NSL1: variants seen among roughly 807,000 people sequenced by gnomAD.
NSL1 encodes the protein kinetochore-associated protein NSL1 homolog.
A neutral mutation model predicts 25.4 loss-of-function variants in NSL1; 11 were observed. The ratio of observed to expected loss-of-function variants is 0.43; its 90% confidence interval spans 0.27 to 0.72. The LOEUF (loss-of-function observed/expected upper bound fraction) is 0.72. Ranked by LOEUF, NSL1 falls within the 30% of genes least tolerant of loss-of-function variation. NSL1 has a pLI of 0.19. For missense variants in NSL1, 330 were observed against 342.7 expected, an observed-to-expected ratio of 0.96 and a Z score of 0.29; for synonymous variants, 118 against 120.6, an observed-to-expected ratio of 0.98 and a Z score of 0.14.
chr1:212,780,279 C>T (rs1660663018), intron 4 of NSL1, among the ~76,000 whole-genome samples: 1 of 152,036 alleles, frequency 6.6e-6, no homozygotes, highest in South Asian at 2.1e-4. Flanking sequence ...GCAAGATGTG[C>T]TTTGTTAAAC....
chr1:212,729,080 G>GT lies in NSL1; in HGVS notation c.*9327dup, dbSNP rs1657902914. Reference sequence around the variant, plus strand: ...GGGCTTACAAGAAAAATAAATTGCAGTAAGTGTTAAAACTTGCCAGTCAAT... The same window carrying GT: ...GGGCTTACAAGAAAAATAAATTGCAGTTAAGTGTTAAAACTTGCCAGTCAAT... On this transcript the variant is annotated 3_prime_UTR_variant, in exon 6 of 6. Transcript: ENST00000366977. 1.0e-6 allele frequency: 1 copy of GT among 985,404 alleles called. No individual in the cohort carries two copies. The highest frequency in any genetic ancestry group is 4.7e-5 in the South Asian group (1 of 21,286). The allele number at this position is 985,404 out of a possible 1,614,324, so 61.0% of individuals were successfully genotyped here.
rs1303650447 is a variant in NSL1, at chr1:212,730,440, G to A, written c.*7968C>T. The A allele has an allele frequency of 4.1e-6, 4 of 985,126 alleles. No individual in the cohort carries two copies. Among genetic ancestry groups the A allele is most frequent in the Non-Finnish European group, 4.8e-6 (4 of 829,894 alleles). 61.0% of individuals were successfully genotyped at this position (985,126 alleles called of 1,614,324 possible). ...GGCACCAAGGGAGGTCTTAAAATCTGCAACTAGGTATGAGCCCAAAGGCAC... is the reference window on the plus strand; with the variant it reads ...GGCACCAAGGGAGGTCTTAAAATCTACAACTAGGTATGAGCCCAAAGGCAC... On this transcript the variant is annotated 3_prime_UTR_variant, in exon 6 of 6. Coordinates refer to ENST00000366977, the MANE Select transcript of NSL1 (RefSeq NM_015471.4).
chr1:212,739,677 G>C (rs1024896447), intron 4 of NSL1, 76 bp from the exon 5 acceptor site: 20 of 1,426,214 alleles, frequency 1.4e-5, no homozygotes, highest in Non-Finnish European at 1.9e-5. Flanking sequence ...GATACTATCT[G>C]AAAGGCATAT....
rs868663396 is a variant in NSL1 at position 212,738,384 on chromosome 1, A to G, written c.*24T>C. On this transcript the variant is annotated 3_prime_UTR_variant, in exon 6 of 6. Transcript: ENST00000366977. ...TAAATGTTGATGGTGCCTATTTTCA[A>G]CTCCCAAAATAAACAGAAAGAGCTC... is the stretch of plus-strand genomic sequence containing the variant. 3.8e-6 allele frequency: 6 copies of G among 1,584,464 alleles called. No homozygotes were observed. Among genetic ancestry groups the G allele is most frequent in the Middle Eastern group, 3.5e-4 (2 of 5,706 alleles).
chr1:212,783,140 G>A (rs1303007938), intron 3 of NSL1, among the ~76,000 whole-genome samples: 1 of 152,090 alleles, frequency 6.6e-6, no homozygotes, highest in Non-Finnish European at 1.5e-5. Flanking sequence ...GAAGAAGGGA[G>A]GAAAGACGCA....
chr1:212,738,497 CAG>C lies in NSL1; in HGVS notation c.755_756del (p.Ser252Ter). On this transcript the variant is annotated frameshift_variant, in exon 6 of 6. Coordinates refer to ENST00000366977, the MANE Select transcript of NSL1 (RefSeq NM_015471.4). LOFTEE classifies it low-confidence loss of function (END_TRUNC). ...TPTETASRKTSDMVLKRKQTK... is the reference protein window; with the variant it reads ...TPTETASRKTXDMVLKRKQTK... ...GTTTGCTTTCTTTTCAGTACCATGTCAGAGGTTTTCCTGGAAGCAGTCTCTGT... is the reference window on the plus strand; with the variant it reads ...GTTTGCTTTCTTTTCAGTACCATGTCAGGTTTTCCTGGAAGCAGTCTCTGT... 1 of 1,614,098 alleles carries C rather than the reference CAG, an allele frequency of 6.2e-7. No individual in the cohort carries two copies. The highest frequency in any genetic ancestry group is 8.5e-7 in the Non-Finnish European group (1 of 1,179,996).
intron 4 of NSL1, among the ~76,000 whole-genome samples, chr1:212,742,112 G>A (rs1658535252): frequency 6.6e-6 from 1 of 152,064 alleles, no homozygotes; most frequent in Non-Finnish European, 1.5e-5. Flanking sequence ...AAATTCATAG[G>A]TAATATTTCT....
In NSL1 at chr1:212,736,303, C is replaced by T. The variant is rs2102425364; in HGVS notation, c.*2105G>A. 2 of 972,658 alleles carry T rather than the reference C, an allele frequency of 2.1e-6. No homozygotes were observed. Among genetic ancestry groups the T allele is most frequent in the South Asian group, 4.7e-5 (1 of 21,074 alleles). The allele number at this position is 972,658 out of a possible 1,614,324, so 60.3% of individuals were successfully genotyped here. A position where few individuals can be genotyped will look rare whatever the true frequency, so the allele number is the denominator to read the frequency against. Reference sequence around the variant, plus strand: ...CCTCCCAAAGTGCTGGGATTACAGGCATGAGCCCACCGCGCCTGGCTATTT... The same window carrying T: ...CCTCCCAAAGTGCTGGGATTACAGGTATGAGCCCACCGCGCCTGGCTATTT... On this transcript the variant is annotated 3_prime_UTR_variant, in exon 6 of 6. Coordinates refer to ENST00000366977, the MANE Select transcript of NSL1 (RefSeq NM_015471.4).
chr1:212,785,099 A>T (rs1034315652), intron 2 of NSL1, among the ~76,000 whole-genome samples: 1 of 152,204 alleles, frequency 6.6e-6, no homozygotes, highest in Admixed American at 6.5e-5. Context: ...GGTATTTAAT[A>T]TCAGGGATGC....
At position 212,782,088 on chromosome 1, in the gene NSL1, G is replaced by A. The variant is rs200243335; in HGVS notation, c.499+284C>T. The stretch of plus-strand genomic sequence containing the variant: ...ATAGATAGTACAATGACAGAGATAG[G>A]AGGGTATTAGAAGTTAGAGATGGGT... On this transcript the variant is annotated intron_variant, in intron 4 of 5. Transcript: ENST00000366977. 6.3e-4 allele frequency: 408 copies of A among 649,098 alleles called. 1 individual carries two copies. Among genetic ancestry groups the A allele is most frequent in the Non-Finnish European group, 1.1e-3 (361 of 342,956 alleles). The allele number at this position is 649,098 out of a possible 1,614,324, so 40.2% of individuals were successfully genotyped here.
At chr1:212,784,783 T>G (rs538839565) in intron 2 of NSL1, among the ~76,000 whole-genome samples, 2 of 152,260 alleles carry the variant, frequency 1.3e-5, no homozygotes, top group East Asian at 3.9e-4. Flanking sequence ...AACAGACAAT[T>G]GCAAGGCAAC....
rs909469153 is a variant in NSL1 at position 212,728,823 on chromosome 1, G to A, written c.*9585C>T. ...CTCTGACTCGAGGAGGGCCCTCAGC[G>A]CAGAGAAAATTAAGTCTAGTGTTTG... On this transcript the variant is annotated 3_prime_UTR_variant, in exon 6 of 6. Transcript: ENST00000366977. 1.1e-5 allele frequency: 11 copies of A among 985,280 alleles called. No homozygotes were observed. Among genetic ancestry groups the A allele is most frequent in the Non-Finnish European group, 1.1e-5 (9 of 829,936 alleles). The allele number at this position is 985,280 out of a possible 1,614,324, so 61.0% of individuals were successfully genotyped here.
rs1260802850 is a variant in NSL1, at chr1:212,733,480, AT to A, written c.*4927del. Among the ~76,000 whole-genome samples, 2 of 150,118 alleles carry A rather than the reference AT, an allele frequency of 1.3e-5. No homozygotes were observed. Among genetic ancestry groups the A allele is most frequent in the Non-Finnish European group, 3.0e-5 (2 of 67,702 alleles). On this transcript the variant is annotated 3_prime_UTR_variant, in exon 6 of 6. Transcript: ENST00000366977. ...CCATACCCATTAGCAGTCACTTCCTATTCCTTCCACCCTCTCCATCTTTCCA... is the reference window on the plus strand; with the variant it reads ...CCATACCCATTAGCAGTCACTTCCTATCCTTCCACCCTCTCCATCTTTCCA...
intron 2 of NSL1, 56 bp downstream of exon 2, chr1:212,787,503 A>G: frequency 7.4e-7 from 1 of 1,355,276 alleles, no homozygotes; most frequent in East Asian, 2.3e-5. Flanking sequence ...CATTCAAAAC[A>G]AAATTAGCTG....
At position 212,786,951 on chromosome 1, in the gene NSL1, C is replaced by A. The variant is rs915220651; in HGVS notation, c.313+608G>T. Among the ~76,000 whole-genome samples the A allele has an allele frequency of 3.3e-5, 5 of 150,760 alleles. 1 individual carries two copies. The highest frequency in any genetic ancestry group is 6.6e-5 in the Admixed American group (1 of 15,172). On this transcript the variant is annotated intron_variant, in intron 2 of 5. Coordinates refer to ENST00000366977, the MANE Select transcript of NSL1 (RefSeq NM_015471.4). The stretch of plus-strand genomic sequence containing the variant: ...ATACCAGCACTTTAGGAGATTGAGG[C>A]TAGGAGTTTGAGACCAGCCTGGGCA...
In NSL1 at chr1:212,769,296, G is replaced by T. The variant is rs185758740; in HGVS notation, c.499+13076C>A. 3.7e-4 allele frequency among the ~76,000 whole-genome samples: 56 copies of T among 152,162 alleles called. No homozygotes were observed. The East Asian group carries it at 9.8e-3, about 27-fold the overall frequency. On this transcript the variant is annotated intron_variant, in intron 4 of 5. Transcript: ENST00000366977. ...CTGCAAATAGATTGAATCCCAAAAGGTCTTCACCAAGGCACATTATACTCA... is the reference window on the plus strand; with the variant it reads ...CTGCAAATAGATTGAATCCCAAAAGTTCTTCACCAAGGCACATTATACTCA...
At chr1:212,757,569 G>C (rs952745641) in intron 4 of NSL1, among the ~76,000 whole-genome samples, 3 of 152,188 alleles carry the variant, frequency 2.0e-5, no homozygotes, top group African/African-American at 7.2e-5. Context: ...CATGATGGAA[G>C]CCAAAGGAGG....
At chr1:212,752,515 C>T (rs6540762) in intron 4 of NSL1, among the ~76,000 whole-genome samples, 34,493 of 151,444 alleles carry the variant, frequency 0.23, 4,637 homozygotes, top group African/African-American at 0.38. Context: ...ACATGTTTAG[C>T]GAAGGACAGG....
At chr1:212,789,032 G>C (rs1461169113) in intron 1 of NSL1, among the ~76,000 whole-genome samples, 1 of 152,056 alleles carries the variant, frequency 6.6e-6, no homozygotes, top group Non-Finnish European at 1.5e-5. Flanking sequence ...GATGGGGAAG[G>C]GGAACTCAAA....
Sources: allele counts gnomAD v4.1 joint callset (sites outside exome capture counted in the v4.1 genomes callset), GRCh38; gene constraint gnomAD v4.1.1; transcripts MANE v1.5; gene names NCBI Gene and HGNC (gene_info 2026-07-23, HGNC 2026-07-21).